The following IPPK variants were observed in gnomAD, a reference collection of about 807,000 sequenced individuals.
IPPK encodes IPK1 homolog.
IPPK carries 22 observed loss-of-function variants against 64.6 expected under a neutral mutation model. The ratio of observed to expected loss-of-function variants is 0.34; its 90% CI spans 0.24 to 0.49. The LOEUF (loss-of-function observed/expected upper bound fraction) is 0.49. IPPK is among the 20% of genes least tolerant of loss of function. The pLI is 0.99. For missense variants in IPPK, 532 were observed against 630.7 expected (o/e 0.84, Z 1.68); for synonymous variants, 262 against 247.2 (o/e 1.06, Z -0.56).
In IPPK at chr9:92,635,016, C is replaced by T; in HGVS notation, c.1067+142G>A. On this transcript the variant is annotated intron_variant, in intron 10 of 12. Coordinates refer to ENST00000287996, the MANE Select transcript of IPPK (RefSeq NM_022755.6). This position sits in a 1 kb window ranked among gnomAD's most constrained non-coding sequence, Gnocchi z 4.4. Reference sequence around the variant, plus strand: ...TACATTCCAGAGCAGGCCTGGGCACCTGGGAGCGGAGGACTGGGGTAGGAA... The same window carrying T: ...TACATTCCAGAGCAGGCCTGGGCACTTGGGAGCGGAGGACTGGGGTAGGAA... The T allele has an allele frequency of 1.4e-6, 1 of 733,248 alleles. No individual in the cohort carries two copies. The highest frequency in any genetic ancestry group is 2.7e-5 in the East Asian group (1 of 36,870). 45.4% of individuals were successfully genotyped at this position (733,248 alleles called of 1,614,324 possible). A position where few individuals can be genotyped will look rare whatever the true frequency, so the allele number is the denominator to read the frequency against.
Position 92,638,183 on chromosome 9 carries a change from T to A in IPPK, c.734A>T (p.Asn245Ile). 6.2e-7 allele frequency: 1 copy of A among 1,614,102 alleles called. No homozygotes were observed. The change falls in exon 9 of 13, where the codon AAC (asparagine) becomes ATC (isoleucine). Residue 245 changes from asparagine to isoleucine, a missense_variant. By Grantham distance (149) the Asn-to-Ile change is moderately radical. Coordinates refer to ENST00000287996, the MANE Select transcript of IPPK (RefSeq NM_022755.6). ...HHLKPFFFPS[N>I]GLASGPHCTR... ...GCAGTGGGGCCCACTGGCCAGGCCG[T>A]TGGAAGGGAAGAAGAACGGCTTCAG...
intron 5 of IPPK, among the ~76,000 whole-genome samples, chr9:92,649,140 C>A (rs979720787): frequency 6.6e-6 from 1 of 152,228 alleles, no homozygotes; most frequent in Non-Finnish European, 1.5e-5. Flanking sequence ...GAAAACGGGT[C>A]AGGGGGACCC....
chr9:92,615,225 G>A lies in IPPK; in HGVS notation c.*607C>T, dbSNP rs1469606945. On this transcript the variant is annotated 3_prime_UTR_variant, in exon 13 of 13. Transcript: ENST00000287996. ...TGAGCCTTGCGCTCCCTGCTGCCCT[G>A]TGTGGAACTGTGGGCTTCAGCACCT... The A allele has an allele frequency of 6.5e-6, 1 of 153,676 alleles. No homozygotes were observed. Among genetic ancestry groups the A allele is most frequent in the Admixed American group, 6.5e-5 (1 of 15,422 alleles). The allele number at this position is 153,676 out of a possible 1,614,324, so 9.5% of individuals were successfully genotyped here.
chr9:92,661,291 A>G (rs1465542870), intron 1 of IPPK, among the ~76,000 whole-genome samples: 2 of 152,158 alleles, frequency 1.3e-5, no homozygotes, highest in Non-Finnish European at 2.9e-5. Context: ...CAAGGTCTTG[A>G]CCCCAAAGGT....
rs2131470944 is a variant in IPPK at position 92,670,046 on chromosome 9, C to T, written c.-58G>A. ...GGACTCGGGGACGCGAGCTGGGGGCCGCCCGCCTCGCTGGGAACCAGCCGC... is the reference window on the plus strand; with the variant it reads ...GGACTCGGGGACGCGAGCTGGGGGCTGCCCGCCTCGCTGGGAACCAGCCGC... On this transcript the variant is annotated 5_prime_UTR_variant, in exon 1 of 13. Coordinates refer to ENST00000287996, the MANE Select transcript of IPPK (RefSeq NM_022755.6). 3 of 1,299,038 alleles carry T rather than the reference C, an allele frequency of 2.3e-6. No individual in the cohort carries two copies. The highest frequency in any genetic ancestry group is 1.9e-4 in the Middle Eastern group (1 of 5,194). 80.5% of individuals were successfully genotyped at this position (1,299,038 alleles called of 1,614,324 possible). A position where few individuals can be genotyped will look rare whatever the true frequency, so the allele number is the denominator to read the frequency against.
chr9:92,615,958 A>C lies in IPPK; in HGVS notation c.1350T>G (p.His450Gln), dbSNP rs751581094. The change falls in exon 13 of 13, where the codon CAT becomes CAG. Residue 450 changes from histidine (H) to glutamine (Q), a missense_variant. Coordinates refer to ENST00000287996, the MANE Select transcript of IPPK (RefSeq NM_022755.6). The part of the protein sequence containing the change: ...LDLKPYESIP[H>Q]QYKLDGKIVN... Reference sequence around the variant, plus strand: ...CGATCTTGCCGTCCAGTTTATACTGATGGGGAATGCTCTCGTAGGGCTTGA... The same window carrying C: ...CGATCTTGCCGTCCAGTTTATACTGCTGGGGAATGCTCTCGTAGGGCTTGA... 2.5e-6 allele frequency: 4 copies of C among 1,613,972 alleles called. No homozygotes were observed. Among genetic ancestry groups the C allele is most frequent in the Non-Finnish European group, 2.5e-6 (3 of 1,179,998 alleles).
At chr9:92,623,278 C>G (rs949598899) in intron 11 of IPPK, among the ~76,000 whole-genome samples, 1 of 151,746 alleles carries the variant, frequency 6.6e-6, no homozygotes, top group South Asian at 2.1e-4. Flanking sequence ...ACTAAAAATA[C>G]AAAAAATTAG....
In IPPK at chr9:92,619,505, G is replaced by T; in HGVS notation, c.1231C>A (p.Pro411Thr). ...KDCSIMIALS[P>T]CLQDASSDQR... The stretch of plus-strand genomic sequence containing the variant: ...CCTCACCTGGCATCCTGCAGACAGG[G>T]AGACAGTGCAATCATGATGGAGCAG... The change falls in exon 12 of 13, where the codon CCC (proline) becomes ACC (threonine). Residue 411 changes from proline to threonine, a missense_variant. By Grantham distance (38) the Pro-to-Thr change is conservative (BLOSUM62 -1). Transcript: ENST00000287996. The T allele has an allele frequency of 6.3e-7, 1 of 1,592,126 alleles. No individual in the cohort carries two copies.
intron 5 of IPPK, among the ~76,000 whole-genome samples, chr9:92,648,961 G>A (rs1398505202): frequency 5.3e-5 from 8 of 152,238 alleles, no homozygotes. Flanking sequence ...TGTGCCTCCA[G>A]GAAAATTCGT....
rs2131409320 is a variant in IPPK, at chr9:92,616,159, T to C, written c.1251-102A>G. 3.7e-6 allele frequency: 3 copies of C among 810,704 alleles called. No homozygotes were observed. In the South Asian group the frequency reaches 5.4e-5, roughly 15 times the overall value. 50.2% of individuals were successfully genotyped at this position (810,704 alleles called of 1,614,324 possible). A position where few individuals can be genotyped will look rare whatever the true frequency, so the allele number is the denominator to read the frequency against. Reference sequence around the variant, plus strand: ...TTCTTTCAACTAGTATGTTTTTATGTTTTTTCTTTGACTTCTGCAAAGTTA... The same window carrying C: ...TTCTTTCAACTAGTATGTTTTTATGCTTTTTCTTTGACTTCTGCAAAGTTA... On this transcript the variant is annotated intron_variant, in intron 12 of 12. Transcript: ENST00000287996.
chr9:92,622,842 A>G (rs1019727706), intron 11 of IPPK, among the ~76,000 whole-genome samples: 4 of 152,186 alleles, frequency 2.6e-5, no homozygotes, highest in Non-Finnish European at 5.9e-5. Context: ...TGCTTGAAGA[A>G]GACAGAAGGA....
chr9:92,627,963 ACTAT>A (rs1159788606), intron 11 of IPPK, among the ~76,000 whole-genome samples: 2 of 152,192 alleles, frequency 1.3e-5, no homozygotes, highest in East Asian at 3.8e-4. Context: ...CCACTAAAAA[ACTAT>A]TAGAACATAC....
At chr9:92,638,591 G>GCT (rs1347394403) in intron 8 of IPPK, among the ~76,000 whole-genome samples, 1 of 152,256 alleles carries the variant, frequency 6.6e-6, no homozygotes, top group Non-Finnish European at 1.5e-5. Flanking sequence ...AAGAGCAAAT[G>GCT]CTCACCACAA....
intron 7 of IPPK, among the ~76,000 whole-genome samples, chr9:92,642,134 T>C (rs1485993815): frequency 3.9e-5 from 6 of 152,242 alleles, no homozygotes; most frequent in African/African-American, 1.4e-4. Context: ...GCCTGCTCGC[T>C]GGGCCCCCAG....
chr9:92,624,641 CAAAAAT>C (rs1204271469), intron 11 of IPPK, among the ~76,000 whole-genome samples: 3 of 151,880 alleles, frequency 2.0e-5, no homozygotes, highest in South Asian at 2.1e-4. Context: ...CTCAAAAAAA[CAAAAAT>C]AAAAACAAAG....
chr9:92,634,926 A>G (rs1851910732), intron 10 of IPPK, among the ~76,000 whole-genome samples: 1 of 152,240 alleles, frequency 6.6e-6, no homozygotes, highest in South Asian at 2.1e-4. Flanking sequence ...GTTTCGAATT[A>G]GCAAGGTCAC....
intron 2 of IPPK, among the ~76,000 whole-genome samples, chr9:92,658,073 C>T (rs1291371385): frequency 1.3e-5 from 2 of 152,150 alleles, no homozygotes; most frequent in Admixed American, 6.5e-5. Context: ...AGGAAGCCTC[C>T]GCGACTCGGT....
chr9:92,647,566 T>A (rs536698722), intron 6 of IPPK, among the ~76,000 whole-genome samples: 1 of 152,118 alleles, frequency 6.6e-6, no homozygotes, highest in Non-Finnish European at 1.5e-5. Flanking sequence ...AACTGGGATT[T>A]ATCCCAGAAA....
intron 12 of IPPK, chr9:92,617,533 G>A: frequency 6.6e-6 from 1 of 152,614 alleles, no homozygotes; most frequent in South Asian, 2.1e-4. Context: ...GACTGGGCAA[G>A]AGGCCCCAGG....
Sources: gnomAD v4.1 joint callset for allele counts (sites outside exome capture counted in the v4.1 genomes callset) on GRCh38, gnomAD v4.1.1 for gene constraint, Gnocchi (gnomAD v3.1) non-coding constraint, MANE v1.5 for transcripts, NCBI Gene and HGNC (gene_info 2026-07-23, HGNC 2026-07-21) for gene names.